Variants in MDGA2 observed in about 807,000 individuals in gnomAD.
MDGA2 encodes the protein MAM domain containing glycosylphosphatidylinositol anchor 2.
MDGA2 carries 40 observed loss-of-function variants against 117.8 expected under a neutral mutation model. The ratio of observed to expected loss-of-function variants is 0.34; its 90% CI spans 0.26 to 0.44. The LOEUF is 0.44. Ranked by LOEUF, MDGA2 falls within the 20% of genes least tolerant of loss-of-function variation. MDGA2 has a pLI of 1.00. For missense variants in MDGA2, 1,123 were observed against 1,250.6 expected, an observed-to-expected ratio of 0.90 and a Z score of 1.54; for synonymous variants, 452 against 439.0, an observed-to-expected ratio of 1.03 and a Z score of -0.37.
At chr14:46,970,696 G>A (rs990082558) in intron 8 of MDGA2, among the ~76,000 whole-genome samples, 1 of 151,714 alleles carries the variant, frequency 6.6e-6, no homozygotes, top group Admixed American at 6.6e-5. Context: ...TAGACAAATG[G>A]GACTATATTA....
At chr14:47,023,019 G>C (rs574254504) in intron 8 of MDGA2, among the ~76,000 whole-genome samples, 48 of 152,038 alleles carry the variant, frequency 3.2e-4, no homozygotes, top group African/African-American at 1.1e-3. Flanking sequence ...GAGACAAAGG[G>C]GCAAGCTTTT....
At chr14:47,438,041 C>A (rs533397043) in intron 1 of MDGA2, among the ~76,000 whole-genome samples, 1 of 152,082 alleles carries the variant, frequency 6.6e-6, no homozygotes, top group African/African-American at 2.4e-5. Flanking sequence ...ATGTATTTCT[C>A]AAGACCTCAT....
intron 15 of MDGA2, among the ~76,000 whole-genome samples, chr14:46,848,748 T>C (rs964035746): frequency 1.2e-4 from 18 of 151,720 alleles, no homozygotes; most frequent in African/African-American, 4.4e-4. Context: ...GTAGTAAACA[T>C]CAGGAAGCGG....
At chr14:47,650,943 G>T (rs528633405) in intron 1 of MDGA2, among the ~76,000 whole-genome samples, 2 of 152,158 alleles carry the variant, frequency 1.3e-5, no homozygotes, top group East Asian at 3.9e-4. Context: ...CAAAAATTGG[G>T]TAAATAATTA....
intron 6 of MDGA2, among the ~76,000 whole-genome samples, chr14:47,091,154 A>G (rs1329881446): frequency 6.6e-6 from 1 of 152,184 alleles, no homozygotes; most frequent in African/African-American, 2.4e-5. Context: ...ATTTTGCTTA[A>G]CATCATTTAA....
chr14:47,248,126 T>C (rs948811908), intron 2 of MDGA2, among the ~76,000 whole-genome samples: 1 of 151,632 alleles, frequency 6.6e-6, no homozygotes, highest in Non-Finnish European at 1.5e-5. Context: ...TGTGTCTTTA[T>C]AGTAGAATGA....
chr14:47,475,530 T>C (rs1412822610), intron 1 of MDGA2, among the ~76,000 whole-genome samples: 1 of 152,184 alleles, frequency 6.6e-6, no homozygotes, highest in Non-Finnish European at 1.5e-5. Context: ...TGCACGTGTA[T>C]GTTCATTGAA....
intron 1 of MDGA2, among the ~76,000 whole-genome samples, chr14:47,666,492 T>G (rs541619540): frequency 6.6e-6 from 1 of 152,264 alleles, no homozygotes; most frequent in South Asian, 2.1e-4. Flanking sequence ...CAATCGACAC[T>G]CTGTATCTAG....
intron 6 of MDGA2, 26 bp downstream of exon 6, chr14:47,096,828 T>C: frequency 6.2e-7 from 1 of 1,608,938 alleles, no homozygotes; most frequent in African/African-American, 1.3e-5. Flanking sequence ...GGAATCTACG[T>C]TGTAACATTC....
At chr14:47,524,128 AT>A (rs1250467980) in intron 1 of MDGA2, among the ~76,000 whole-genome samples, 2 of 152,164 alleles carry the variant, frequency 1.3e-5, no homozygotes, top group African/African-American at 4.8e-5. Flanking sequence ...TGAAAAGCAT[AT>A]TTTTGAAGAT....
chr14:47,334,843 G>C lies in MDGA2; in HGVS notation c.281-33293C>G, dbSNP rs531439226. The stretch of plus-strand genomic sequence containing the variant: ...TGGTGGAAGGATCCCTGAGGTGGAG[G>C]TCCAGATCAGCTCTGTCTTTACACT... On this transcript the variant is annotated intron_variant, in intron 1 of 16. Transcript: ENST00000399232. Among the ~76,000 whole-genome samples, 5 of 151,964 alleles carry C rather than the reference G, an allele frequency of 3.3e-5. No individual in the cohort carries two copies. In the East Asian group the frequency reaches 9.7e-4, roughly 30 times the overall value.
chr14:47,575,717 G>T (rs140234475), intron 1 of MDGA2, among the ~76,000 whole-genome samples: 5 of 152,204 alleles, frequency 3.3e-5, no homozygotes, highest in African/African-American at 1.2e-4. Flanking sequence ...TTTTATCAGA[G>T]ATCAAGATCA....
intron 9 of MDGA2, among the ~76,000 whole-genome samples, chr14:46,953,874 T>C (rs929782321): frequency 3.3e-5 from 5 of 152,190 alleles, no homozygotes; most frequent in South Asian, 4.1e-4. Context: ...TGCTGCAGAT[T>C]GCCTGTATCT....
At chr14:47,084,705 G>A (rs1487823604) in intron 6 of MDGA2, among the ~76,000 whole-genome samples, 1 of 152,138 alleles carries the variant, frequency 6.6e-6, no homozygotes, top group African/African-American at 2.4e-5. Flanking sequence ...GACCTCATGA[G>A]TGGGATTACA....
chr14:47,069,706 G>A (rs1360708828), intron 6 of MDGA2, among the ~76,000 whole-genome samples: 1 of 152,136 alleles, frequency 6.6e-6, no homozygotes, highest in East Asian at 1.9e-4. Context: ...ACATGAGATA[G>A]TTGTCTGTTT....
chr14:47,112,930 T>A (rs1035979229), intron 5 of MDGA2, among the ~76,000 whole-genome samples: 3 of 152,106 alleles, frequency 2.0e-5, no homozygotes, highest in Non-Finnish European at 4.4e-5. Flanking sequence ...TTAATAATCA[T>A]CATTCTGACT....
At chr14:47,067,840 AAAGTATTAAAGAT>A (rs1357072881) in intron 6 of MDGA2, among the ~76,000 whole-genome samples, 1 of 152,200 alleles carries the variant, frequency 6.6e-6, no homozygotes, top group African/African-American at 2.4e-5. Context: ...GTTAGTCTTA[AAAGTATTAAAGAT>A]TCTGGAAAAT....
chr14:47,203,055 C>T (rs1885566449), intron 3 of MDGA2, among the ~76,000 whole-genome samples: 1 of 151,886 alleles, frequency 6.6e-6, no homozygotes, highest in Non-Finnish European at 1.5e-5. Flanking sequence ...TATACCTAGA[C>T]ATTAAAAAAG....
At position 46,905,434 on chromosome 14, in the gene MDGA2, C is replaced by T. The variant is rs1013728494; in HGVS notation, c.2238+14578G>A. 6.6e-5 allele frequency among the ~76,000 whole-genome samples: 10 copies of T among 151,890 alleles called. No individual in the cohort carries two copies. The South Asian group carries it at 1.0e-3, about 16-fold the overall frequency. On this transcript the variant is annotated intron_variant, in intron 10 of 16. Transcript: ENST00000399232. ...TTCCATTTTACAGTTTTATTTAAGT[C>T]GTTTTGAGATTGCGTGCAAACTATC...
Sources: gnomAD v4.1 joint callset for allele counts (sites outside exome capture counted in the v4.1 genomes callset) on GRCh38, gnomAD v4.1.1 for gene constraint, MANE v1.5 for transcripts, NCBI Gene and HGNC (gene_info 2026-07-23, HGNC 2026-07-21) for gene names.